Variants in ASTN2 observed in about 807,000 individuals in gnomAD.
ASTN2 encodes the protein astrotactin-2.
A neutral mutation model predicts 139.8 loss-of-function variants in ASTN2; 54 were observed. That is an observed-to-expected ratio of 0.39 (90% CI 0.31 to 0.48). ASTN2 has a LOEUF of 0.48. ASTN2 is among the 20% of genes least tolerant of loss of function. The pLI, the probability that ASTN2 is intolerant of heterozygous loss-of-function variation, is 0.95. For missense variants in ASTN2, 1,565 were observed against 1,725.1 expected, an observed-to-expected ratio of 0.91 and a Z score of 1.64; for synonymous variants, 756 against 719.5, an observed-to-expected ratio of 1.05 and a Z score of -0.81.
At chr9:117,020,284 T>C (rs1332163117) in intron 6 of ASTN2, among the ~76,000 whole-genome samples, 2 of 151,672 alleles carry the variant, frequency 1.3e-5, no homozygotes, top group Non-Finnish European at 2.9e-5. Flanking sequence ...GAAGAAAGGG[T>C]AGAATATATA....
intron 5 of ASTN2, among the ~76,000 whole-genome samples, chr9:117,078,464 A>G (rs1160398049): frequency 1.3e-5 from 2 of 152,176 alleles, no homozygotes; most frequent in Non-Finnish European, 2.9e-5. Flanking sequence ...GCATTATCTT[A>G]CTTTGGTTAA....
Position 116,425,041 on chromosome 9 carries a change from A to C in ASTN2, c.*810T>G, listed in dbSNP as rs966540251. Reference sequence around the variant, plus strand: ...AAAGAACCTCCATTCTTCCTCTAGCACAGCTTGAAATGACCAGACTCCTTC... The same window carrying C: ...AAAGAACCTCCATTCTTCCTCTAGCCCAGCTTGAAATGACCAGACTCCTTC... On this transcript the variant is annotated 3_prime_UTR_variant, in exon 23 of 23. Transcript: ENST00000313400. Among the ~76,000 whole-genome samples, 1 of 152,126 alleles carries C rather than the reference A, an allele frequency of 6.6e-6. No individual in the cohort carries two copies. Among genetic ancestry groups the C allele is most frequent in the African/African-American group, 2.4e-5 (1 of 41,426 alleles).
intron 2 of ASTN2, among the ~76,000 whole-genome samples, chr9:117,280,336 A>G (rs1270603829): frequency 1.3e-5 from 2 of 152,184 alleles, no homozygotes; most frequent in African/African-American, 4.8e-5. Flanking sequence ...GGTCCCAGAA[A>G]GATATGCCCA....
chr9:117,234,910 G>A (rs1265963169), intron 2 of ASTN2, among the ~76,000 whole-genome samples: 2 of 152,178 alleles, frequency 1.3e-5, no homozygotes, highest in African/African-American at 4.8e-5. Flanking sequence ...TTTTAGGTAA[G>A]CAATCGGTGT....
intron 3 of ASTN2, among the ~76,000 whole-genome samples, chr9:117,145,970 G>C (rs1830184812): frequency 6.6e-6 from 1 of 152,154 alleles, no homozygotes; most frequent in Non-Finnish European, 1.5e-5. Flanking sequence ...GATCCCCTGA[G>C]CTGCAAGGGT....
rs557962898 is a variant in ASTN2 at position 117,170,760 on chromosome 9, CG to C, written c.1016-29283del. Among the ~76,000 whole-genome samples, 778 of 152,134 alleles carry C rather than the reference CG, an allele frequency of 5.1e-3. 5 individuals carry two copies. Among genetic ancestry groups the C allele is most frequent in the Non-Finnish European group, 9.3e-3 (631 of 68,008 alleles). On this transcript the variant is annotated intron_variant, in intron 3 of 22. Coordinates refer to ENST00000313400, the MANE Select transcript of ASTN2 (RefSeq NM_001365068.1). ...ACCTTGAGGCAGAAGCAGGCTTGGCCGTATCCCATTTCTCATTTTAGTCTTC... is the reference window on the plus strand; with the variant it reads ...ACCTTGAGGCAGAAGCAGGCTTGGCCTATCCCATTTCTCATTTTAGTCTTC...
chr9:116,768,652 G>A (rs1280566282), intron 13 of ASTN2, among the ~76,000 whole-genome samples: 1 of 152,136 alleles, frequency 6.6e-6, no homozygotes, highest in Non-Finnish European at 1.5e-5. Context: ...TCATGAGGGT[G>A]GAACCCTCCT....
chr9:116,639,571 G>C (rs1296633222), intron 17 of ASTN2, among the ~76,000 whole-genome samples: 5 of 152,160 alleles, frequency 3.3e-5, no homozygotes, highest in African/African-American at 1.2e-4. Flanking sequence ...CTGTGAACAG[G>C]GTTAAGCTCC....
At chr9:117,203,061 CT>C (rs1831781830) in intron 3 of ASTN2, among the ~76,000 whole-genome samples, 1 of 151,846 alleles carries the variant, frequency 6.6e-6, no homozygotes, top group Non-Finnish European at 1.5e-5. Flanking sequence ...CTATTCTTGT[CT>C]GCATGTCTTA....
At chr9:116,451,546 G>A (rs888392658) in intron 20 of ASTN2, among the ~76,000 whole-genome samples, 1 of 152,114 alleles carries the variant, frequency 6.6e-6, no homozygotes, top group African/African-American at 2.4e-5. Flanking sequence ...GTACTATAAG[G>A]TCTTCAATAA....
chr9:117,094,258 G>C (rs952044377), intron 5 of ASTN2, among the ~76,000 whole-genome samples: 19 of 151,938 alleles, frequency 1.3e-4, no homozygotes, highest in African/African-American at 4.4e-4. Context: ...GGGAGACAGG[G>C]AGGAAAGAAT....
At chr9:116,617,740 G>A (rs1416827713) in intron 19 of ASTN2, among the ~76,000 whole-genome samples, 1 of 152,240 alleles carries the variant, frequency 6.6e-6, no homozygotes, top group Non-Finnish European at 1.5e-5. Flanking sequence ...AACAGAAAAT[G>A]TAAGCCCCAG....
intron 17 of ASTN2, among the ~76,000 whole-genome samples, chr9:116,640,919 T>A (rs1351894036): frequency 6.6e-6 from 1 of 152,190 alleles, no homozygotes; most frequent in Non-Finnish European, 1.5e-5. Context: ...AGAGAAATTC[T>A]TAAGGAGATA....
chr9:117,140,456 A>G (rs74790979), intron 4 of ASTN2, among the ~76,000 whole-genome samples: 2 of 150,928 alleles, frequency 1.3e-5, no homozygotes, highest in Non-Finnish European at 3.0e-5. Flanking sequence ...GAGTAGATAG[A>G]AAAAAAAATG....
At chr9:117,306,659 G>A (rs1382610143) in intron 1 of ASTN2, among the ~76,000 whole-genome samples, 2 of 152,102 alleles carry the variant, frequency 1.3e-5, no homozygotes, top group East Asian at 3.9e-4. Flanking sequence ...AGAAAACAGC[G>A]ACAACTACAC....
chr9:116,828,685 T>C (rs1028668441), intron 11 of ASTN2, among the ~76,000 whole-genome samples: 3 of 152,134 alleles, frequency 2.0e-5, no homozygotes, highest in Non-Finnish European at 2.9e-5. Context: ...TTATTCAACA[T>C]AGCACTGGAA....
chr9:117,351,068 AC>A (rs1416772044), intron 1 of ASTN2, among the ~76,000 whole-genome samples: 1 of 152,166 alleles, frequency 6.6e-6, no homozygotes, highest in Non-Finnish European at 1.5e-5. Flanking sequence ...CTACACTGCT[AC>A]TCTCTTTAAC....
chr9:116,871,532 C>A (rs2132353566), intron 10 of ASTN2, among the ~76,000 whole-genome samples: 1 of 152,288 alleles, frequency 6.6e-6, no homozygotes, highest in Admixed American at 6.5e-5. Context: ...TTTACTAACT[C>A]TGAACACTTC....
intron 1 of ASTN2, among the ~76,000 whole-genome samples, chr9:117,339,993 C>G (rs1276257971): frequency 6.6e-6 from 1 of 151,610 alleles, no homozygotes. Context: ...GAGGAAAAGG[C>G]ATGGCCCAGA....
Sources: gnomAD v4.1 joint callset for allele counts (sites outside exome capture counted in the v4.1 genomes callset) on GRCh38, gnomAD v4.1.1 for gene constraint, MANE v1.5 for transcripts, NCBI Gene and HGNC (gene_info 2026-07-23, HGNC 2026-07-21) for gene names.